The following MECOM variants were observed in gnomAD, a reference collection of about 807,000 sequenced individuals.
The protein encoded by MECOM is MDS1 and EVI1 complex locus.
MECOM carries 13 observed loss-of-function variants against 116.3 expected under a neutral mutation model. The observed-to-expected ratio is 0.11, with a 90% CI of 0.07 to 0.18. The LOEUF (loss-of-function observed/expected upper bound fraction) is 0.18, where lower values mean the gene tolerates loss of function less well. Among genes scored for constraint, MECOM ranks in the 10% least tolerant of loss-of-function variants. The probability of loss-of-function intolerance (pLI) is 1.00; values close to 1 mark genes in which losing one functional copy is unlikely to be tolerated. For synonymous variants in MECOM, 528 were observed against 535.2 expected (o/e 0.99, Z 0.19); for missense variants, 1,299 against 1,509.0 (o/e 0.86, Z 2.31).
intron 2 of MECOM, among the ~76,000 whole-genome samples, chr3:169,259,792 A>G (rs1757320936): frequency 6.6e-6 from 1 of 152,372 alleles, no homozygotes; most frequent in African/African-American, 2.4e-5. Context: ...ATTGACTAAA[A>G]GCATTCAACG....
intron 2 of MECOM, among the ~76,000 whole-genome samples, chr3:169,264,093 A>G (rs1284038966): frequency 1.3e-5 from 2 of 152,230 alleles, no homozygotes; most frequent in Non-Finnish European, 2.9e-5. Flanking sequence ...ATGTCCTTAG[A>G]ATCAAAACCT....
chr3:169,302,641 G>T (rs1413744142), intron 2 of MECOM, among the ~76,000 whole-genome samples: 1 of 152,080 alleles, frequency 6.6e-6, no homozygotes, highest in Non-Finnish European at 1.5e-5. Context: ...GAGGCCGGTG[G>T]ATCACTGAGG....
chr3:169,332,490 T>A (rs200012594), intron 2 of MECOM, among the ~76,000 whole-genome samples: 2 of 152,148 alleles, frequency 1.3e-5, no homozygotes, highest in African/African-American at 4.8e-5. Context: ...AAATGTGTTA[T>A]TAGTGCTCAG....
Position 169,448,264 on chromosome 3 carries a change from C to T in MECOM, c.38-66740G>A, listed in dbSNP as rs370633585. On this transcript the variant is annotated intron_variant, in intron 1 of 16. Transcript: ENST00000651503. ...CTTGTAAAATGCCACTCGTGTTATA[C>T]GTTGTGGGAATGCTTAGGTGCCTGA... Among the ~76,000 whole-genome samples, 9 of 152,144 alleles carry T rather than the reference C, an allele frequency of 5.9e-5. No individual in the cohort carries two copies. The East Asian group carries it at 9.6e-4, about 16-fold the overall frequency.
intron 1 of MECOM, among the ~76,000 whole-genome samples, chr3:169,594,726 T>A (rs1170160541): frequency 6.6e-6 from 1 of 151,708 alleles, no homozygotes. Flanking sequence ...CTGGCTTTCA[T>A]AACAAAGCTT....
intron 2 of MECOM, among the ~76,000 whole-genome samples, chr3:169,212,634 ATGTATATATATATATAT>A (rs1750896606): frequency 1.7e-4 from 1 of 6,058 alleles, no homozygotes; most frequent in African/African-American, 6.9e-4. Flanking sequence ...CTAGTCAGCA[ATGTATATATATATATAT>A]ATATATATAT....
chr3:169,573,722 G>A (rs1764184391), intron 1 of MECOM, among the ~76,000 whole-genome samples: 1 of 151,852 alleles, frequency 6.6e-6, no homozygotes, highest in African/African-American at 2.4e-5. Context: ...TATCTCCCAA[G>A]GCAACAGAAT....
At chr3:169,224,565 C>T (rs1752508564) in intron 2 of MECOM, among the ~76,000 whole-genome samples, 1 of 152,202 alleles carries the variant, frequency 6.6e-6, no homozygotes, top group African/African-American at 2.4e-5. Context: ...TTCCTTCAGT[C>T]ATCATCTTCA....
At chr3:169,480,511 T>C (rs1751125342) in intron 1 of MECOM, among the ~76,000 whole-genome samples, 1 of 152,094 alleles carries the variant, frequency 6.6e-6, no homozygotes, top group Non-Finnish European at 1.5e-5. Context: ...TTTTCTCATC[T>C]CTTTAGTCAC....
intron 1 of MECOM, among the ~76,000 whole-genome samples, chr3:169,400,335 T>C (rs558905205): frequency 1.3e-5 from 2 of 152,304 alleles, no homozygotes; most frequent in South Asian, 2.1e-4. Flanking sequence ...TGCTGCTAAA[T>C]GGATGTTTAC....
intron 2 of MECOM, among the ~76,000 whole-genome samples, chr3:169,362,910 T>C (rs139032525): frequency 4.6e-5 from 7 of 152,138 alleles, no homozygotes; most frequent in Admixed American, 6.5e-5. Context: ...TTTTCCACAT[T>C]TAACTAGCAC....
At chr3:169,120,172 A>G (rs1226299968) in intron 7 of MECOM, among the ~76,000 whole-genome samples, 1 of 152,164 alleles carries the variant, frequency 6.6e-6, no homozygotes, top group East Asian at 1.9e-4. Flanking sequence ...ACAACTCAAT[A>G]AGTCATTGTA....
chr3:169,461,437 G>C (rs187054607), intron 1 of MECOM, among the ~76,000 whole-genome samples: 2 of 152,114 alleles, frequency 1.3e-5, no homozygotes, highest in African/African-American at 2.4e-5. Context: ...AGAATTTTAG[G>C]ACTGCAAAGA....
At chr3:169,627,999 A>T (rs1771592596) in intron 1 of MECOM, among the ~76,000 whole-genome samples, 1 of 152,210 alleles carries the variant, frequency 6.6e-6, no homozygotes, top group Non-Finnish European at 1.5e-5. Flanking sequence ...AGAACTTGAG[A>T]TGCACCGACT....
At chr3:169,564,129 G>A (rs1294795189) in intron 1 of MECOM, among the ~76,000 whole-genome samples, 1 of 152,160 alleles carries the variant, frequency 6.6e-6, no homozygotes, top group Non-Finnish European at 1.5e-5. Flanking sequence ...AAAAGGTGTA[G>A]AGTAAATTGC....
At chr3:169,423,353 G>A (rs1011225501) in intron 1 of MECOM, among the ~76,000 whole-genome samples, 3 of 99,208 alleles carry the variant, frequency 3.0e-5, no homozygotes, top group African/African-American at 1.1e-4. Context: ...AGGAAGGCAG[G>A]GGTTTGCCTA....
intron 1 of MECOM, among the ~76,000 whole-genome samples, chr3:169,471,633 C>T (rs905545560): frequency 1.3e-5 from 2 of 152,218 alleles, no homozygotes; most frequent in Non-Finnish European, 2.9e-5. Context: ...TACTGCACTA[C>T]ATTGCCTAAG....
chr3:169,289,704 A>T (rs1046357896), intron 2 of MECOM, among the ~76,000 whole-genome samples: 9 of 152,286 alleles, frequency 5.9e-5, no homozygotes, highest in African/African-American at 1.9e-4. Flanking sequence ...AAAAAAATTA[A>T]CTCCTGATGA....
chr3:169,438,686 G>GTACT (rs140522699), intron 1 of MECOM, among the ~76,000 whole-genome samples: 26,944 of 152,124 alleles, frequency 0.18, 2,919 homozygotes, highest in East Asian at 0.24. Flanking sequence ...TATGGATGGG[G>GTACT]TACTGGCTGG....
Sources: allele counts gnomAD v4.1 joint callset (sites outside exome capture counted in the v4.1 genomes callset), GRCh38; gene constraint gnomAD v4.1.1; transcripts MANE v1.5; gene names NCBI Gene and HGNC (gene_info 2026-07-23, HGNC 2026-07-21).